Variants in ST3GAL3 observed in about 807,000 individuals in gnomAD.
ST3GAL3 encodes CMP-N-acetylneuraminate-beta-1,4-galactoside alpha-2,3-sialyltransferase.
In ST3GAL3, 21 loss-of-function variants were observed where a neutral mutation model predicts 50.1. The ratio of observed to expected loss-of-function variants is 0.42; its 90% CI spans 0.30 to 0.60. The LOEUF is 0.60. Among genes scored for constraint, ST3GAL3 ranks in the 20% least tolerant of loss-of-function variants. ST3GAL3 has a pLI of 0.19. For synonymous variants in ST3GAL3, 183 were observed against 190.0 expected (o/e 0.96, Z 0.30); for missense variants, 353 against 489.4 (o/e 0.72, Z 2.63).
chr1:43,925,710 G>C lies in ST3GAL3; in HGVS notation c.1039-4422G>C, dbSNP rs190585751. Among the ~76,000 whole-genome samples, 3 of 152,318 alleles carry C rather than the reference G, an allele frequency of 2.0e-5. No individual in the cohort carries two copies. The East Asian group carries it at 5.8e-4, about 29-fold the overall frequency. ...CCAGCAGGAGTGTGTGGGATGTGGA[G>C]ACACATGGACCAAGGATTGAATGCC... On this transcript the variant is annotated intron_variant, in intron 11 of 11. Coordinates refer to ENST00000347631, the MANE Select transcript of ST3GAL3 (RefSeq NM_006279.5).
At chr1:43,820,247 C>T (rs997827658) in intron 4 of ST3GAL3, among the ~76,000 whole-genome samples, 1 of 152,098 alleles carries the variant, frequency 6.6e-6, no homozygotes, top group African/African-American at 2.4e-5. Flanking sequence ...GGATAACTGG[C>T]TAACCATATG....
At chr1:43,888,400 C>T (rs1356692934) in intron 5 of ST3GAL3, among the ~76,000 whole-genome samples, 1 of 152,038 alleles carries the variant, frequency 6.6e-6, no homozygotes, top group Non-Finnish European at 1.5e-5. Flanking sequence ...ATAGCAGCAG[C>T]TTTCTGCCTC....
chr1:43,905,339 CCACCACTCT>C (rs2079151155), intron 9 of ST3GAL3, among the ~76,000 whole-genome samples: 1 of 136,354 alleles, frequency 7.3e-6, no homozygotes, highest in Non-Finnish European at 1.6e-5. Context: ...GTTCCCCTTC[CCACCACTCT>C]TCCCCCTCCT....
chr1:43,827,044 C>T (rs1248449390), intron 4 of ST3GAL3, among the ~76,000 whole-genome samples: 2 of 152,170 alleles, frequency 1.3e-5, no homozygotes, highest in African/African-American at 4.8e-5. Context: ...GATGTCCCCC[C>T]TCTCACCACT....
intron 2 of ST3GAL3, among the ~76,000 whole-genome samples, chr1:43,760,272 C>A (rs1398919505): frequency 6.6e-6 from 1 of 152,226 alleles, no homozygotes. Flanking sequence ...GAAAAACTTA[C>A]ATCTGCTGCC....
At chr1:43,887,565 G>A (rs803675) in intron 5 of ST3GAL3, among the ~76,000 whole-genome samples, 106,624 of 152,106 alleles carry the variant, frequency 0.7, 38,262 homozygotes, top group Non-Finnish European at 0.79. Context: ...AGTGCCTGAC[G>A]TGGAGTGAAG....
intron 5 of ST3GAL3, among the ~76,000 whole-genome samples, chr1:43,868,051 G>T (rs2071762503): frequency 6.6e-6 from 1 of 152,134 alleles, no homozygotes; most frequent in African/African-American, 2.4e-5. Flanking sequence ...TCATATCTGT[G>T]TATGCATTAT....
chr1:43,800,114 A>G (rs137889686), intron 3 of ST3GAL3, among the ~76,000 whole-genome samples: 1 of 152,190 alleles, frequency 6.6e-6, no homozygotes, highest in Non-Finnish European at 1.5e-5. Flanking sequence ...TGCTGTGCTC[A>G]GATGGAGGCC....
chr1:43,810,091 A>C (rs1452521191), intron 3 of ST3GAL3, among the ~76,000 whole-genome samples: 1 of 152,080 alleles, frequency 6.6e-6, no homozygotes, highest in African/African-American at 2.4e-5. Context: ...GAGCTATGGG[A>C]CTTCAAGCAG....
At chr1:43,921,515 T>C (rs763146047) in intron 11 of ST3GAL3, 40 of 399,718 alleles carry the variant, frequency 1.0e-4, no homozygotes, top group Non-Finnish European at 1.6e-4. Context: ...CCACCAGCCT[T>C]CCACTGATCC....
At chr1:43,735,134 C>T (rs1388695012) in intron 1 of ST3GAL3, among the ~76,000 whole-genome samples, 3 of 152,222 alleles carry the variant, frequency 2.0e-5, no homozygotes, top group African/African-American at 7.2e-5. Flanking sequence ...AACCGCTAGG[C>T]TGTAAGGAGC....
chr1:43,856,167 C>G (rs1280722771), intron 5 of ST3GAL3, among the ~76,000 whole-genome samples: 1 of 152,164 alleles, frequency 6.6e-6, no homozygotes, highest in Non-Finnish European at 1.5e-5. Context: ...GAGCCAAGAT[C>G]TTAAGAAATT....
chr1:43,790,609 A>G (rs1558311078), intron 2 of ST3GAL3, among the ~76,000 whole-genome samples: 1 of 150,352 alleles, frequency 6.7e-6, no homozygotes, highest in Non-Finnish European at 1.5e-5. Context: ...AGAATATACA[A>G]TCTTCAACAT....
rs59922817 is a variant in ST3GAL3, at chr1:43,923,881, C to G, written c.1038+2953C>G. 2.8e-3 allele frequency among the ~76,000 whole-genome samples: 423 copies of G among 152,182 alleles called. 4 individuals carry two copies. The East Asian group carries it at 0.035, about 12-fold the overall frequency. The stretch of plus-strand genomic sequence containing the variant: ...CCTCCTGCCTTGGCCTCTCAAAGCG[C>G]TGGGATTATAGGCATGAGTCACTGC... On this transcript the variant is annotated intron_variant, in intron 11 of 11. Coordinates refer to ENST00000347631, the MANE Select transcript of ST3GAL3 (RefSeq NM_006279.5).
chr1:43,771,784 C>T, intron 2 of ST3GAL3: 1 of 387,010 alleles, frequency 2.6e-6, no homozygotes. Flanking sequence ...AGTATCTGCA[C>T]TATCCAGATC....
intron 2 of ST3GAL3, among the ~76,000 whole-genome samples, chr1:43,749,298 A>G (rs1685103372): frequency 6.6e-6 from 1 of 152,238 alleles, no homozygotes; most frequent in Non-Finnish European, 1.5e-5. Flanking sequence ...CATAAAAGAA[A>G]TATTTATCAA....
chr1:43,758,971 G>A (rs1297280391), intron 2 of ST3GAL3, among the ~76,000 whole-genome samples: 16 of 151,170 alleles, frequency 1.1e-4, no homozygotes, highest in Non-Finnish European at 1.5e-5. Flanking sequence ...TTGAGCCTAG[G>A]AATTCAAGAT....
Position 43,737,288 on chromosome 1 carries a change from C to T in ST3GAL3, c.118+908C>T, listed in dbSNP as rs950202907. 6.6e-5 allele frequency: 10 copies of T among 152,208 alleles called. No individual in the cohort carries two copies. The highest frequency in any genetic ancestry group is 1.3e-4 in the Non-Finnish European group (9 of 68,066). 9.4% of individuals were successfully genotyped at this position (152,208 alleles called of 1,614,324 possible). On this transcript the variant is annotated intron_variant, in intron 2 of 11. Coordinates refer to ENST00000347631, the MANE Select transcript of ST3GAL3 (RefSeq NM_006279.5). The surrounding 1 kb of genome is among the most constrained non-coding windows in gnomAD (Gnocchi z 4.0). ...ACATCTACCAGATACCAGTATAGAA[C>T]TCACTTGAGAAGAGAGTCAGTCTCT...
intron 5 of ST3GAL3, among the ~76,000 whole-genome samples, chr1:43,857,473 T>G (rs926582931): frequency 6.9e-6 from 1 of 144,894 alleles, no homozygotes; most frequent in Non-Finnish European, 1.5e-5. Flanking sequence ...ATTTCCCTCC[T>G]TCCTTCCTTC....
Sources: gnomAD v4.1 joint callset for allele counts (sites outside exome capture counted in the v4.1 genomes callset) on GRCh38, gnomAD v4.1.1 for gene constraint, Gnocchi (gnomAD v3.1) non-coding constraint, MANE v1.5 for transcripts, NCBI Gene and HGNC (gene_info 2026-07-23, HGNC 2026-07-21) for gene names.